GSR: variants seen among roughly 807,000 people sequenced by gnomAD.
The protein encoded by GSR is glutathione reductase, mitochondrial.
Under a neutral mutation model 56.5 loss-of-function variants are expected in GSR, and 48 were observed. The ratio of observed to expected loss-of-function variants is 0.85; its 90% confidence interval spans 0.67 to 1.08. The LOEUF is 1.08. Among genes scored for constraint, GSR ranks in the 50% least tolerant of loss-of-function variants. GSR has a pLI of 0.00. For missense variants in GSR, 694 were observed against 703.3 expected, an observed-to-expected ratio of 0.99 and a Z score of 0.15; for synonymous variants, 264 against 270.8, an observed-to-expected ratio of 0.97 and a Z score of 0.25.
At chr8:30,691,300 A>AGCT (rs1184750868) in intron 8 of GSR, among the ~76,000 whole-genome samples, 1 of 152,104 alleles carries the variant, frequency 6.6e-6, no homozygotes, top group Non-Finnish European at 1.5e-5. Flanking sequence ...GGTTGCAGTG[A>AGCT]GCTGTGACTG....
intron 12 of GSR, 63 bp downstream of exon 12, chr8:30,680,841 C>T: frequency 6.6e-7 from 1 of 1,515,008 alleles, no homozygotes; most frequent in Non-Finnish European, 9.1e-7. Context: ...TCCACCCCTG[C>T]AAAATACTGC....
At chr8:30,692,196 C>CTTTTTTTTTTTTTTTTT (rs71206279) in intron 8 of GSR, among the ~76,000 whole-genome samples, 1 of 76,412 alleles carries the variant, frequency 1.3e-5, no homozygotes, top group East Asian at 5.0e-4. Context: ...TAAAATACAG[C>CTTTTTTTTTTTTTTTTT]TTTTTTTTTT....
Position 30,708,792 on chromosome 8 carries a change from T to TA in GSR, c.423-652dup, listed in dbSNP as rs931083064. Among the ~76,000 whole-genome samples, 6 of 150,542 alleles carry TA rather than the reference T, an allele frequency of 4.0e-5. No individual in the cohort carries two copies. The East Asian group carries it at 9.9e-4, about 25-fold the overall frequency. On this transcript the variant is annotated intron_variant, in intron 3 of 12. Coordinates refer to ENST00000221130, the MANE Select transcript of GSR (RefSeq NM_000637.5). ...TAACACAGTGAAATCCCGTCTCTAC[T>TA]AAAAAAAATACAAAAAATTACCCAG...
chr8:30,681,758 A>G (rs1025085294), intron 11 of GSR, among the ~76,000 whole-genome samples, 172 bp downstream of exon 11: 5 of 152,150 alleles, frequency 3.3e-5, no homozygotes, highest in African/African-American at 1.2e-4. Flanking sequence ...GATACTGTAC[A>G]CTCAAAGTAG....
chr8:30,701,422 T>A (rs1459422794), intron 5 of GSR, among the ~76,000 whole-genome samples: 6 of 151,306 alleles, frequency 4.0e-5, no homozygotes, highest in Non-Finnish European at 5.9e-5. Flanking sequence ...GCCAAGATCC[T>A]CCCATTGCAC....
In GSR at chr8:30,703,203, G is replaced by A. The variant is rs374544759; in HGVS notation, c.530C>T (p.Thr177Met). The change falls in exon 5 of 13, where the codon ACG (threonine) becomes ATG (methionine). Residue 177 changes from threonine to methionine, a missense_variant. Coordinates refer to ENST00000221130, the MANE Select transcript of GSR (RefSeq NM_000637.5). ...CTCTATTGTGGGCTTGGGATCACTC[G>A]TGAAGGCTGCATGGCCACGGATGAT... ...IEIIRGHAAF[T>M]SDPKPTIEVS... 5.0e-6 allele frequency: 8 copies of A among 1,613,930 alleles called. No homozygotes were observed. Among genetic ancestry groups the A allele is most frequent in the African/African-American group, 1.3e-5 (1 of 75,026 alleles).
At position 30,678,330 on chromosome 8, in the gene GSR, TC is replaced by T. The variant is rs1216906307; in HGVS notation, c.*1189del. 7.0e-6 allele frequency: 1 copy of T among 143,638 alleles called. No homozygotes were observed. The highest frequency in any genetic ancestry group is 1.5e-5 in the Non-Finnish European group (1 of 66,740). The allele number at this position is 143,638 out of a possible 1,614,324, so 8.9% of individuals were successfully genotyped here. A position where few individuals can be genotyped will look rare whatever the true frequency, so the allele number is the denominator to read the frequency against. On this transcript the variant is annotated 3_prime_UTR_variant, in exon 13 of 13. Coordinates refer to ENST00000221130, the MANE Select transcript of GSR (RefSeq NM_000637.5). ...TTTCCCAAGTTTGATGCACTTCACC[TC>T]ATAAAAATAATATATATATATATAT...
At chr8:30,703,520 G>A (rs967297494) in intron 4 of GSR, among the ~76,000 whole-genome samples, 3 of 152,090 alleles carry the variant, frequency 2.0e-5, no homozygotes, top group South Asian at 2.1e-4. Flanking sequence ...GCAGAGGTGG[G>A]TGGATAGCTT....
rs186490713 is a variant in GSR at position 30,699,804 on chromosome 8, T to C, written c.695+277A>G. Among the ~76,000 whole-genome samples the C allele has an allele frequency of 2.6e-5, 4 of 152,204 alleles. No individual in the cohort carries two copies. In the East Asian group the frequency reaches 7.7e-4, roughly 29 times the overall value. On this transcript the variant is annotated intron_variant, in intron 6 of 12. Coordinates refer to ENST00000221130, the MANE Select transcript of GSR (RefSeq NM_000637.5). Reference sequence around the variant, plus strand: ...TTAGACACATTCTTAATTGATGCTGTATTAAGTTGAAGAAAGAAGACAGTT... The same window carrying C: ...TTAGACACATTCTTAATTGATGCTGCATTAAGTTGAAGAAAGAAGACAGTT...
At chr8:30,723,792 ACACACACAC>A (rs1409367705) in intron 1 of GSR, among the ~76,000 whole-genome samples, 1 of 17,248 alleles carries the variant, frequency 5.8e-5, no homozygotes, top group Admixed American at 2.1e-3. Flanking sequence ...AAACACACAC[ACACACACAC>A]ACACACACAC....
chr8:30,680,796 G>C (rs1041343718), intron 12 of GSR, 108 bp downstream of exon 12: 2 of 972,720 alleles, frequency 2.1e-6, no homozygotes, highest in Non-Finnish European at 3.3e-6. Context: ...CTGTCCAGTT[G>C]AATCAGAAGG....
chr8:30,689,368 C>G, intron 8 of GSR, 49 bp from the exon 9 acceptor site: 1 of 1,511,764 alleles, frequency 6.6e-7, no homozygotes, highest in Non-Finnish European at 9.2e-7. Context: ...TCAGGGAGGA[C>G]AGGGGAAGAA....
chr8:30,715,196 G>A (rs1804290073), intron 1 of GSR, among the ~76,000 whole-genome samples: 1 of 152,146 alleles, frequency 6.6e-6, no homozygotes, highest in Non-Finnish European at 1.5e-5. Flanking sequence ...AGGAGGCTGA[G>A]GCGGAAGGAT....
chr8:30,685,895 G>A (rs900962098), intron 9 of GSR, among the ~76,000 whole-genome samples: 1 of 145,480 alleles, frequency 6.9e-6, no homozygotes, highest in Non-Finnish European at 1.5e-5. Context: ...GCTGAGGCAG[G>A]AGAATCACTT....
At chr8:30,724,756 G>A (rs1365198022) in intron 1 of GSR, among the ~76,000 whole-genome samples, 3 of 151,966 alleles carry the variant, frequency 2.0e-5, no homozygotes, top group East Asian at 1.9e-4. Flanking sequence ...GGCTGGTCTC[G>A]AACTCCTGAC....
At chr8:30,716,756 G>A (rs968691973) in intron 1 of GSR, among the ~76,000 whole-genome samples, 8 of 152,040 alleles carry the variant, frequency 5.3e-5, no homozygotes, top group Non-Finnish European at 2.9e-5. Context: ...ACAGTGAGCC[G>A]AGATAGCACC....
intron 8 of GSR, among the ~76,000 whole-genome samples, chr8:30,691,558 G>A (rs771100450): frequency 6.7e-6 from 1 of 150,056 alleles, no homozygotes; most frequent in Non-Finnish European, 1.5e-5. Flanking sequence ...GTGCGTGACT[G>A]TAATCCCAGC....
At chr8:30,711,132 A>G (rs1235255550) in intron 2 of GSR, among the ~76,000 whole-genome samples, 1 of 152,220 alleles carries the variant, frequency 6.6e-6, no homozygotes, top group Non-Finnish European at 1.5e-5. Context: ...AAAGACTTCA[A>G]AAAGACTTTT....
chr8:30,686,115 A>C (rs1803153066), intron 9 of GSR, among the ~76,000 whole-genome samples: 1 of 151,732 alleles, frequency 6.6e-6, no homozygotes, highest in South Asian at 2.1e-4. Context: ...ACAAATATTT[A>C]AGCTTCTATT....
Sources: gnomAD v4.1 joint callset for allele counts (sites outside exome capture counted in the v4.1 genomes callset) on GRCh38, gnomAD v4.1.1 for gene constraint, MANE v1.5 for transcripts, NCBI Gene and HGNC (gene_info 2026-07-23, HGNC 2026-07-21) for gene names.